The following WWTR1 variants were observed in gnomAD, a reference collection of about 807,000 sequenced individuals.
WWTR1 encodes WW domain containing transcription regulator 1.
WWTR1 carries 13 observed loss-of-function variants against 40.1 expected under a neutral mutation model. That is an observed-to-expected ratio of 0.32 (90% CI 0.21 to 0.52). The LOEUF (loss-of-function observed/expected upper bound fraction) is 0.52, where lower values mean the gene tolerates loss of function less well. Among genes scored for constraint, WWTR1 ranks in the 20% least tolerant of loss-of-function variants. WWTR1 has a pLI of 0.97. For synonymous variants in WWTR1, 230 were observed against 210.1 expected (o/e 1.09, Z -0.82); for missense variants, 436 against 523.1 (o/e 0.83, Z 1.63).
intron 1 of WWTR1, among the ~76,000 whole-genome samples, chr3:149,698,297 C>A (rs1010518827): frequency 6.6e-6 from 1 of 152,166 alleles, no homozygotes; most frequent in African/African-American, 2.4e-5. Context: ...TGAGTTCTCA[C>A]GAGATCTGAT....
At chr3:149,601,185 T>C (rs1321524372) in intron 2 of WWTR1, among the ~76,000 whole-genome samples, 1 of 152,098 alleles carries the variant, frequency 6.6e-6, no homozygotes, top group Non-Finnish European at 1.5e-5. Flanking sequence ...ATTTTATAAT[T>C]TTTTATAGTT....
At chr3:149,718,335 C>G (rs540471983) in intron 4 of WWTR1, among the ~76,000 whole-genome samples, 18 of 151,898 alleles carry the variant, frequency 1.2e-4, no homozygotes, top group Non-Finnish European at 2.4e-4. Context: ...AGCAGGAGAT[C>G]GTTACCAACC....
In WWTR1 at chr3:149,557,387, T is replaced by G. The variant is rs140694483; in HGVS notation, c.569-14850A>C. Among the ~76,000 whole-genome samples, 1,413 of 152,226 alleles carry G rather than the reference T, an allele frequency of 9.3e-3. 10 individuals are homozygous for G. The highest frequency in any genetic ancestry group is 0.017 in the Middle Eastern group (5 of 294). On this transcript the variant is annotated intron_variant, in intron 3 of 6. Coordinates refer to ENST00000360632, the MANE Select transcript of WWTR1 (RefSeq NM_015472.6). ...GTGCCAGGCCACTACTGTAATTTCT[T>G]TTTTAAGGACATTGTCCCCTAGATC...
chr3:149,590,206 T>G (rs1341629777), intron 2 of WWTR1, among the ~76,000 whole-genome samples: 1 of 152,108 alleles, frequency 6.6e-6, no homozygotes, highest in Non-Finnish European at 1.5e-5. Context: ...ACAATAATAA[T>G]TATTCATATT....
upstream of WWTR1, chr3:149,660,213 T>C (rs1319780556): frequency 6.6e-6 from 1 of 152,136 alleles, no homozygotes. Flanking sequence ...AGGAAGTGAC[T>C]GGAACCTAAT....
intron 2 of WWTR1, among the ~76,000 whole-genome samples, chr3:149,601,791 A>G (rs1739254602): frequency 6.6e-6 from 1 of 152,284 alleles, no homozygotes; most frequent in East Asian, 1.9e-4. Flanking sequence ...TACTTGAGAA[A>G]TAAAACGTGC....
chr3:149,641,077 T>C (rs1712144635), intron 2 of WWTR1, among the ~76,000 whole-genome samples: 2 of 152,364 alleles, frequency 1.3e-5, no homozygotes, highest in East Asian at 3.9e-4. Flanking sequence ...TTATTTATTA[T>C]GCAGGGTCCT....
At chr3:149,545,642 C>T (rs1487963521) in intron 3 of WWTR1, among the ~76,000 whole-genome samples, 4 of 152,134 alleles carry the variant, frequency 2.6e-5, no homozygotes, top group Non-Finnish European at 5.9e-5. Context: ...CTGTCTTAGC[C>T]TCCCGAGTAG....
At chr3:149,586,973 G>A (rs1300556210) in intron 2 of WWTR1, among the ~76,000 whole-genome samples, 1 of 152,166 alleles carries the variant, frequency 6.6e-6, no homozygotes, top group African/African-American at 2.4e-5. Context: ...CCACCTGGCT[G>A]TTCATCTGAA....
intron 4 of WWTR1, among the ~76,000 whole-genome samples, chr3:149,720,297 A>G (rs535355456): frequency 6.6e-6 from 1 of 152,202 alleles, no homozygotes; most frequent in East Asian, 1.9e-4. Context: ...AATTATGCGT[A>G]TGGTATTAGG....
At chr3:149,594,259 T>C (rs1738868515) in intron 2 of WWTR1, among the ~76,000 whole-genome samples, 1 of 152,212 alleles carries the variant, frequency 6.6e-6, no homozygotes, top group African/African-American at 2.4e-5. Flanking sequence ...AAGACTGTGG[T>C]CAGGGGGCCT....
chr3:149,534,784 T>A (rs1735747179), intron 4 of WWTR1, among the ~76,000 whole-genome samples: 1 of 152,208 alleles, frequency 6.6e-6, no homozygotes, highest in Non-Finnish European at 1.5e-5. Context: ...TGGTCAACTA[T>A]CTAGCTCTCT....
intron 1 of WWTR1, chr3:149,703,112 A>C (rs1032360544): frequency 6.6e-6 from 1 of 152,286 alleles, no homozygotes; most frequent in Admixed American, 6.5e-5. Context: ...GGCTGAATAT[A>C]AAGTCTCCTA....
intron 2 of WWTR1, among the ~76,000 whole-genome samples, chr3:149,664,161 C>T (rs539899285): frequency 9.1e-4 from 139 of 152,320 alleles, no homozygotes; most frequent in African/African-American, 3.3e-3. Flanking sequence ...CCCAGAAGCC[C>T]TTGGGGCAGA....
At chr3:149,540,692 C>T (rs1260060689) in intron 4 of WWTR1, among the ~76,000 whole-genome samples, 1 of 152,180 alleles carries the variant, frequency 6.6e-6, no homozygotes, top group African/African-American at 2.4e-5. Context: ...GTATAAACAA[C>T]CGTTAGCCTG....
chr3:149,613,140 T>G (rs1050383670), intron 2 of WWTR1, among the ~76,000 whole-genome samples: 1 of 152,164 alleles, frequency 6.6e-6, no homozygotes, highest in Non-Finnish European at 1.5e-5. Flanking sequence ...TGTTTTGTCT[T>G]CCAGCATCCA....
intron 1 of WWTR1, among the ~76,000 whole-genome samples, chr3:149,695,634 G>A (rs913892511): frequency 4.0e-5 from 6 of 151,312 alleles, no homozygotes; most frequent in Admixed American, 2.0e-4. Context: ...GATGGCAGGC[G>A]CCTGTAATCC....
At chr3:149,549,580 G>C (rs919902234) in intron 3 of WWTR1, among the ~76,000 whole-genome samples, 1 of 152,226 alleles carries the variant, frequency 6.6e-6, no homozygotes, top group Non-Finnish European at 1.5e-5. Flanking sequence ...GCTCACGCCT[G>C]TAATGCCAGC....
rs1203876940 is a variant in WWTR1 at position 149,519,261 on chromosome 3, C to T, written c.*1544G>A. On this transcript the variant is annotated 3_prime_UTR_variant, in exon 7 of 7. Coordinates refer to ENST00000360632, the MANE Select transcript of WWTR1 (RefSeq NM_015472.6). ...TTGGTTACATAAGAGGTATTGAATA[C>T]ATATTTCATGCCTTTTTATACCAAC... is the stretch of plus-strand genomic sequence containing the variant. 6.6e-6 allele frequency: 1 copy of T among 152,156 alleles called. No homozygotes were observed. Among genetic ancestry groups the T allele is most frequent in the Admixed American group, 6.6e-5 (1 of 15,258 alleles). 9.4% of individuals were successfully genotyped at this position (152,156 alleles called of 1,614,324 possible).
Sources: gnomAD v4.1 joint callset for allele counts (sites outside exome capture counted in the v4.1 genomes callset) on GRCh38, gnomAD v4.1.1 for gene constraint, MANE v1.5 for transcripts, NCBI Gene and HGNC (gene_info 2026-07-23, HGNC 2026-07-21) for gene names.